Variants in MPHOSPH8 observed in about 807,000 individuals in gnomAD.
MPHOSPH8 encodes M-phase phosphoprotein, mpp.
In MPHOSPH8, 45 loss-of-function variants were observed where a neutral mutation model predicts 87.3. The observed-to-expected ratio is 0.52, with a 90% confidence interval of 0.41 to 0.66. The LOEUF (loss-of-function observed/expected upper bound fraction) is 0.66, where lower values mean the gene tolerates loss of function less well. Ranked by LOEUF, MPHOSPH8 falls within the 30% of genes least tolerant of loss-of-function variation. The pLI, the probability that MPHOSPH8 is intolerant of heterozygous loss-of-function variation, is 0.00. For synonymous variants in MPHOSPH8, 366 were observed against 376.9 expected (o/e 0.97, Z 0.33); for missense variants, 883 against 1,020.2 (o/e 0.87, Z 1.83).
Position 19,636,223 on chromosome 13 carries a change from C to G in MPHOSPH8, c.213+2262C>G, listed in dbSNP as rs558588441. On this transcript the variant is annotated intron_variant, in intron 1 of 13. Coordinates refer to ENST00000361479, the MANE Select transcript of MPHOSPH8 (RefSeq NM_017520.4). ...GTGAACCAGCCGGTTGGTTAGCCAC[C>G]TAGCCATTGACAAACTTAAGGGTAC... 1.2e-3 allele frequency among the ~76,000 whole-genome samples: 185 copies of G among 152,328 alleles called. 1 individual carries two copies. The highest frequency in any genetic ancestry group is 6.0e-3 in the South Asian group (29 of 4,830).
intron 5 of MPHOSPH8, among the ~76,000 whole-genome samples, chr13:19,652,258 A>G (rs1411068838): frequency 6.6e-6 from 1 of 152,156 alleles, no homozygotes; most frequent in Admixed American, 6.5e-5. Context: ...CTGGTTGGAC[A>G]GTGGGTGCAG....
At chr13:19,667,829 TAAG>T (rs1218954116) in intron 10 of MPHOSPH8, among the ~76,000 whole-genome samples, 1 of 152,222 alleles carries the variant, frequency 6.6e-6, no homozygotes. Flanking sequence ...TTCTATCACT[TAAG>T]AACTCTTGGC....
At position 19,648,517 on chromosome 13, in the gene MPHOSPH8, A is replaced by C. The variant is rs1488041688; in HGVS notation, c.1314A>C (p.Leu438Phe). The stretch of plus-strand genomic sequence containing the variant: ...AAGGCAGAAAAGAGCCAAAAGGATT[A>C]AAGAGTGAGTGTAAATATTAACGTT... ...EEKGRKEPKG[L>F]KTLKEIRNAF... The change falls in exon 4 of 14, where the codon TTA (leucine) becomes TTC (phenylalanine). Residue 438 changes from leucine (L) to phenylalanine (F), a missense_variant. By Grantham distance (22) the Leu-to-Phe change is conservative (BLOSUM62 0). This residue lies in a region of MPHOSPH8 where 741 missense variants were observed against 841.5 expected (regional missense o/e 0.88). Transcript: ENST00000361479. The C allele has an allele frequency of 1.3e-6, 2 of 1,549,220 alleles. No homozygotes were observed. Among genetic ancestry groups the C allele is most frequent in the African/African-American group, 2.8e-5 (2 of 72,164 alleles).
intron 2 of MPHOSPH8, among the ~76,000 whole-genome samples, chr13:19,645,611 C>T (rs1015594870): frequency 5.9e-5 from 9 of 151,972 alleles, no homozygotes; most frequent in African/African-American, 2.2e-4. Flanking sequence ...CAAAAATTAG[C>T]AGGGTGTGGT....
At chr13:19,663,697 G>A (rs1237912006) in intron 9 of MPHOSPH8, among the ~76,000 whole-genome samples, 1 of 152,188 alleles carries the variant, frequency 6.6e-6, no homozygotes, top group Non-Finnish European at 1.5e-5. Context: ...GTTCCTCTGT[G>A]GCAGTTGTGG....
chr13:19,667,649 CATTCAAG>C (rs757463865), intron 10 of MPHOSPH8, among the ~76,000 whole-genome samples: 24 of 152,182 alleles, frequency 1.6e-4, no homozygotes, highest in Non-Finnish European at 3.1e-4. Context: ...TAGCAATAGG[CATTCAAG>C]ATTCCTTCCA....
chr13:19,665,595 T>G (rs1404819093), intron 9 of MPHOSPH8, among the ~76,000 whole-genome samples: 1 of 151,998 alleles, frequency 6.6e-6, no homozygotes, highest in Non-Finnish European at 1.5e-5. Flanking sequence ...GATGGCAGAG[T>G]TCCCCCTGCC....
chr13:19,634,543 G>A (rs1331755259), intron 1 of MPHOSPH8, among the ~76,000 whole-genome samples: 1 of 152,160 alleles, frequency 6.6e-6, no homozygotes, highest in African/African-American at 2.4e-5. Flanking sequence ...GGTGTTTCCT[G>A]TTCTCCTGGC....
chr13:19,634,393 C>T (rs1378849028), intron 1 of MPHOSPH8, among the ~76,000 whole-genome samples: 1 of 152,200 alleles, frequency 6.6e-6, no homozygotes, highest in Non-Finnish European at 1.5e-5. Context: ...TTCATTTGCC[C>T]TTGGAGTAAA....
intron 2 of MPHOSPH8, among the ~76,000 whole-genome samples, 161 bp from the exon 3 acceptor site, chr13:19,646,282 G>C (rs1733341368): frequency 6.6e-6 from 1 of 152,180 alleles, no homozygotes; most frequent in Admixed American, 6.5e-5. Context: ...CTGAGTCAGA[G>C]ATAGAGGTAG....
In MPHOSPH8 at chr13:19,650,277, T is replaced by C; in HGVS notation, c.1576+17T>C. 2 of 1,607,286 alleles carry C rather than the reference T, an allele frequency of 1.2e-6. No homozygotes were observed. The highest frequency in any genetic ancestry group is 1.7e-6 in the Non-Finnish European group (2 of 1,176,204). The stretch of plus-strand genomic sequence containing the variant: ...AGAATTCAGGTGAGTTTGGAATCAT[T>C]TTGCAGAATTTTTCAAGGTAGTGCA... On this transcript the variant is annotated intron_variant, in intron 5 of 13. Transcript: ENST00000361479.
At chr13:19,652,242 T>C (rs1443206695) in intron 5 of MPHOSPH8, among the ~76,000 whole-genome samples, 1 of 152,158 alleles carries the variant, frequency 6.6e-6, no homozygotes, top group Non-Finnish European at 1.5e-5. Context: ...GTTCATCTCA[T>C]TGGGACTGGT....
intron 3 of MPHOSPH8, among the ~76,000 whole-genome samples, chr13:19,647,816 A>C (rs890797195): frequency 4.6e-5 from 7 of 152,234 alleles, no homozygotes; most frequent in Non-Finnish European, 1.0e-4. Flanking sequence ...ATCAAGGGCT[A>C]TAAAAAACAT....
rs17085467 is a variant in MPHOSPH8 at position 19,666,592 on chromosome 13, C to T, written c.2174+13C>T. ...ACCATTTAGAGACGTAAGTGAGAAG[C>T]GACTGTGCCATAGTTAAGTCACATA... On this transcript the variant is annotated intron_variant, in intron 10 of 13. Coordinates refer to ENST00000361479, the MANE Select transcript of MPHOSPH8 (RefSeq NM_017520.4). 1.7e-3 allele frequency: 2,650 copies of T among 1,568,240 alleles called. 49 individuals carry two copies. In the African/African-American group the frequency reaches 0.032, roughly 19 times the overall value.
chr13:19,648,423 A>G lies in MPHOSPH8; in HGVS notation c.1220A>G (p.Asp407Gly). 6.3e-7 allele frequency: 1 copy of G among 1,575,746 alleles called. No homozygotes were observed. Among genetic ancestry groups the G allele is most frequent in the East Asian group, 2.3e-5 (1 of 43,490 alleles). ...TTTTGGATATCATGTCATTTTCAGG[A>G]CAAAGAAACCAAAAGAAATGAATCC... ...GLWSTDSAEE[D>G]KETKRNESKE... The change falls in exon 4 of 14, where the codon GAC becomes GGC. Residue 407 changes from aspartate to glycine, a missense_variant and splice_region_variant. Asp to Gly is a moderately conservative substitution (Grantham distance 94, BLOSUM62 -1). Transcript: ENST00000361479.
intron 10 of MPHOSPH8, among the ~76,000 whole-genome samples, chr13:19,667,077 G>A (rs1343787742): frequency 2.0e-5 from 3 of 152,048 alleles, no homozygotes; most frequent in Non-Finnish European, 2.9e-5. Flanking sequence ...CAGGAGAATC[G>A]CTTGAACCCG....
intron 11 of MPHOSPH8, among the ~76,000 whole-genome samples, chr13:19,669,414 T>G (rs1486726778): frequency 6.6e-6 from 1 of 152,044 alleles, no homozygotes; most frequent in African/African-American, 2.4e-5. Context: ...CAGAGAACGA[T>G]GCCCTGAGCT....
chr13:19,670,068 G>A (rs535586660), intron 11 of MPHOSPH8, among the ~76,000 whole-genome samples, 168 bp from the exon 12 acceptor site: 1 of 152,342 alleles, frequency 6.6e-6, no homozygotes, highest in Non-Finnish European at 1.5e-5. Flanking sequence ...AAAAATGCCA[G>A]GTGACACGAG....
chr13:19,668,119 C>T (rs190074003), intron 10 of MPHOSPH8, among the ~76,000 whole-genome samples: 4 of 152,330 alleles, frequency 2.6e-5, no homozygotes, highest in Non-Finnish European at 2.9e-5. Flanking sequence ...GTGCCAGGCA[C>T]TGTTCTAAAG....
Sources: allele counts gnomAD v4.1 joint callset (sites outside exome capture counted in the v4.1 genomes callset), GRCh38; gene constraint gnomAD v4.1.1; regional missense constraint gnomAD v4.1.1; transcripts MANE v1.5; gene names NCBI Gene and HGNC (gene_info 2026-07-23, HGNC 2026-07-21).